HPCAL1: variants seen among roughly 807,000 people sequenced by gnomAD.
HPCAL1 encodes the protein hippocalcin like 1.
Under a neutral mutation model 17.1 loss-of-function variants are expected in HPCAL1, and 8 were observed. The ratio of observed to expected loss-of-function variants is 0.47; its 90% CI spans 0.27 to 0.84. HPCAL1 has a LOEUF of 0.84. Ranked by LOEUF, HPCAL1 falls within the 40% of genes least tolerant of loss-of-function variation. The pLI is 0.13. For missense variants in HPCAL1, 165 were observed against 271.1 expected (o/e 0.61, Z 2.75); for synonymous variants, 112 against 111.4 (o/e 1.01, Z -0.03).
rs923803227 is a variant in HPCAL1 at position 10,334,806 on chromosome 2, C to T, written c.-111+31629C>T. 6.6e-5 allele frequency among the ~76,000 whole-genome samples: 10 copies of T among 152,074 alleles called. 1 individual carries two copies. Among genetic ancestry groups the T allele is most frequent in the Admixed American group, 6.5e-5 (1 of 15,268 alleles). On this transcript the variant is annotated intron_variant, in intron 1 of 4. Coordinates refer to ENST00000307845, the MANE Select transcript of HPCAL1 (RefSeq NM_002149.4). ...GCTCAAGCAATCTTCCCACCTCAGC[C>T]TCCCAAGTAGCTAGGACTACAGGTA...
At chr2:10,371,233 G>A (rs751038555) in intron 1 of HPCAL1, among the ~76,000 whole-genome samples, 21 of 152,168 alleles carry the variant, frequency 1.4e-4, no homozygotes, top group Non-Finnish European at 2.1e-4. Context: ...GGGTTGGAGG[G>A]GAATGCCAGT....
Position 10,394,638 on chromosome 2 carries a change from G to C in HPCAL1, c.-110-2197G>C, listed in dbSNP as rs1308892758. 6.6e-6 allele frequency among the ~76,000 whole-genome samples: 1 copy of C among 152,184 alleles called. No homozygotes were observed. The highest frequency in any genetic ancestry group is 1.5e-5 in the Non-Finnish European group (1 of 68,042). ...ACCCTAACGTGAGCTGCGGACCTGG[G>C]GGGTGATGATGGTCAGTGCAGGTCC... On this transcript the variant is annotated intron_variant, in intron 1 of 4. Transcript: ENST00000307845. This position sits in a 1 kb window ranked among gnomAD's most constrained non-coding sequence, Gnocchi z 5.0.
intron 1 of HPCAL1, among the ~76,000 whole-genome samples, chr2:10,373,619 G>A (rs1667366087): frequency 1.3e-5 from 2 of 151,962 alleles, no homozygotes; most frequent in African/African-American, 4.8e-5. Flanking sequence ...TCTAAGGCAA[G>A]GATGAAAGTC....
chr2:10,354,316 C>G lies in HPCAL1; in HGVS notation c.-110-42519C>G, dbSNP rs1666008364. The G allele has an allele frequency of 6.6e-6, 1 of 152,268 alleles. No homozygotes were observed. The highest frequency in any genetic ancestry group is 2.1e-4 in the South Asian group (1 of 4,832). 9.4% of individuals were successfully genotyped at this position (152,268 alleles called of 1,614,324 possible). ...TTCCACAAATACGTTCTAAGGGCCTCCTGCATTTCAGGCACTTCAGAGGAC... is the reference window on the plus strand; with the variant it reads ...TTCCACAAATACGTTCTAAGGGCCTGCTGCATTTCAGGCACTTCAGAGGAC... On this transcript the variant is annotated intron_variant, in intron 1 of 4. Coordinates refer to ENST00000307845, the MANE Select transcript of HPCAL1 (RefSeq NM_002149.4). The surrounding 1 kb of genome is among the most constrained non-coding windows in gnomAD (Gnocchi z 5.1).
intron 1 of HPCAL1, among the ~76,000 whole-genome samples, chr2:10,306,614 G>A (rs1662639411): frequency 6.6e-6 from 1 of 152,164 alleles, no homozygotes; most frequent in South Asian, 2.1e-4. Flanking sequence ...CGGAAAAAAG[G>A]TTTCTTCAAA....
chr2:10,425,064 G>T, intron 4 of HPCAL1: 1 of 180,042 alleles, frequency 5.6e-6, no homozygotes, highest in Non-Finnish European at 1.2e-5. Context: ...CATCTCAGCA[G>T]CCCTCAGAGT....
intron 2 of HPCAL1, among the ~76,000 whole-genome samples, chr2:10,397,561 C>T (rs1395911428): frequency 6.6e-6 from 1 of 152,226 alleles, no homozygotes; most frequent in Non-Finnish European, 1.5e-5. Context: ...TGAGGGAGGG[C>T]AAAGTGCTTA....
chr2:10,399,493 C>G (rs1051668174), intron 2 of HPCAL1, among the ~76,000 whole-genome samples: 1 of 111,434 alleles, frequency 9.0e-6, no homozygotes, highest in Admixed American at 8.5e-5. Flanking sequence ...ATCACCGCCA[C>G]CATCACCATC....
chr2:10,400,848 G>A (rs956393667), intron 2 of HPCAL1, among the ~76,000 whole-genome samples: 5 of 152,226 alleles, frequency 3.3e-5, no homozygotes, highest in African/African-American at 1.2e-4. Context: ...ATTGGTGGAG[G>A]GCTGGGGACA....
intron 2 of HPCAL1, among the ~76,000 whole-genome samples, chr2:10,399,061 G>A (rs113726613): frequency 6.6e-5 from 10 of 151,922 alleles, no homozygotes; most frequent in East Asian, 1.9e-4. Context: ...CGCCTGGCCC[G>A]GCAGGTCGTG....
intron 1 of HPCAL1, among the ~76,000 whole-genome samples, chr2:10,322,996 G>A (rs1041228305): frequency 6.6e-6 from 1 of 152,076 alleles, no homozygotes. Context: ...TGGGACACAC[G>A]CTGCCCCCTT....
chr2:10,351,192 G>T (rs1450670433), intron 1 of HPCAL1, among the ~76,000 whole-genome samples: 1 of 152,214 alleles, frequency 6.6e-6, no homozygotes, highest in African/African-American at 2.4e-5. Flanking sequence ...ACAAAATGTA[G>T]TCTATCCATA....
At chr2:10,401,594 G>A (rs748793323) in intron 2 of HPCAL1, among the ~76,000 whole-genome samples, 4 of 152,072 alleles carry the variant, frequency 2.6e-5, no homozygotes, top group African/African-American at 7.2e-5. Flanking sequence ...TGTAAGGAGC[G>A]CCTAGATCAC....
intron 1 of HPCAL1, among the ~76,000 whole-genome samples, chr2:10,357,492 G>T (rs750467686): frequency 2.0e-5 from 3 of 152,206 alleles, no homozygotes; most frequent in Non-Finnish European, 2.9e-5. Flanking sequence ...GACCCTGTGG[G>T]GCTCGGCCAT....
chr2:10,336,891 T>C (rs1664756747), intron 1 of HPCAL1, among the ~76,000 whole-genome samples: 1 of 152,156 alleles, frequency 6.6e-6, no homozygotes, highest in Admixed American at 6.5e-5. Flanking sequence ...ACTATAGGTA[T>C]GCACCACCAC....
chr2:10,415,319 G>A (rs564204749), intron 2 of HPCAL1, among the ~76,000 whole-genome samples: 6 of 152,310 alleles, frequency 3.9e-5, no homozygotes, highest in South Asian at 4.1e-4. Flanking sequence ...TGGAGGGGCT[G>A]GGAGGTCATT....
At chr2:10,418,082 A>G (rs912352638) in intron 2 of HPCAL1, among the ~76,000 whole-genome samples, 3 of 149,884 alleles carry the variant, frequency 2.0e-5, no homozygotes, top group Non-Finnish European at 4.4e-5. Flanking sequence ...ATTGATTGAT[A>G]TAGAGAGGAT....
intron 1 of HPCAL1, among the ~76,000 whole-genome samples, chr2:10,356,631 G>C (rs559480330): frequency 6.6e-6 from 1 of 152,152 alleles, no homozygotes; most frequent in East Asian, 1.9e-4. Context: ...TCCATAGCCA[G>C]GCCCCGTGCC....
chr2:10,410,077 C>T (rs150665403), intron 2 of HPCAL1, among the ~76,000 whole-genome samples: 5 of 152,234 alleles, frequency 3.3e-5, no homozygotes, highest in Non-Finnish European at 7.4e-5. Context: ...GTGTGAGCCA[C>T]GGCGCCCCGG....
Sources: allele counts gnomAD v4.1 joint callset (sites outside exome capture counted in the v4.1 genomes callset), GRCh38; gene constraint gnomAD v4.1.1; non-coding constraint Gnocchi (gnomAD v3.1); transcripts MANE v1.5; gene names NCBI Gene and HGNC (gene_info 2026-07-23, HGNC 2026-07-21).